PGAP4: variants seen among roughly 807,000 people sequenced by gnomAD.
PGAP4 encodes the protein GPI-N-acetylgalactosamine transferase PGAP4.
A neutral mutation model predicts 28.2 loss-of-function variants in PGAP4; 12 were observed. The observed-to-expected ratio is 0.42, with a 90% CI of 0.27 to 0.69. The LOEUF (loss-of-function observed/expected upper bound fraction) is 0.69. Among genes scored for constraint, PGAP4 ranks in the 30% least tolerant of loss-of-function variants. The pLI is 0.22. For missense variants in PGAP4, 425 were observed against 513.5 expected, an observed-to-expected ratio of 0.83 and a Z score of 1.67; for synonymous variants, 205 against 211.8, an observed-to-expected ratio of 0.97 and a Z score of 0.28.
upstream of PGAP4, among the ~76,000 whole-genome samples, chr9:101,490,244 C>T (rs750016885): frequency 4.1e-4 from 63 of 152,244 alleles, no homozygotes; most frequent in Non-Finnish European, 7.2e-4. Context: ...GGCTGGAGTG[C>T]AGTGATGCAA....
At chr9:101,510,204 T>G (rs1313222901) in intron 2 of PGAP4, among the ~76,000 whole-genome samples, 7 of 152,180 alleles carry the variant, frequency 4.6e-5, no homozygotes, top group African/African-American at 1.7e-4. Flanking sequence ...CCTTTTGAAC[T>G]GCAGTCTGTC....
At chr9:101,524,139 T>TG (rs1438638736) in intron 2 of PGAP4, among the ~76,000 whole-genome samples, 1 of 151,204 alleles carries the variant, frequency 6.6e-6, no homozygotes, top group African/African-American at 2.4e-5. Flanking sequence ...TGGTGGAGGT[T>TG]GGGGGGCGGG....
At chr9:101,494,493 T>C (rs1283663341) in intron 2 of PGAP4, among the ~76,000 whole-genome samples, 1 of 151,852 alleles carries the variant, frequency 6.6e-6, no homozygotes, top group African/African-American at 2.4e-5. Context: ...ATAAAAGTCA[T>C]AAGAACATTA....
intron 2 of PGAP4, among the ~76,000 whole-genome samples, chr9:101,508,824 C>T (rs1826871874): frequency 6.6e-6 from 1 of 152,148 alleles, no homozygotes; most frequent in Non-Finnish European, 1.5e-5. Context: ...ATGGCCCTAT[C>T]TGAGGGTGAG....
intron 2 of PGAP4, among the ~76,000 whole-genome samples, chr9:101,506,849 C>T (rs1015948300): frequency 3.9e-5 from 6 of 152,076 alleles, no homozygotes; most frequent in Non-Finnish European, 7.4e-5. Context: ...ATGTACCAAT[C>T]CTTGTAACTC....
chr9:101,482,006 A>C (rs1826504061), intron 1 of PGAP4, among the ~76,000 whole-genome samples: 1 of 152,128 alleles, frequency 6.6e-6, no homozygotes, highest in African/African-American at 2.4e-5. Context: ...ACAGGCTCCT[A>C]ACAGAGCTTC....
chr9:101,483,097 G>A (rs541259311), intron 1 of PGAP4, among the ~76,000 whole-genome samples: 1 of 152,250 alleles, frequency 6.6e-6, no homozygotes, highest in South Asian at 2.1e-4. Context: ...CTTGACTTAC[G>A]ATCTGATTGG....
intron 2 of PGAP4, among the ~76,000 whole-genome samples, chr9:101,502,745 C>A (rs746984240): frequency 1.3e-5 from 2 of 152,090 alleles, no homozygotes; most frequent in African/African-American, 4.8e-5. Flanking sequence ...ACACCTACAG[C>A]ATTTTGCAGG....
intron 2 of PGAP4, among the ~76,000 whole-genome samples, chr9:101,502,872 G>A (rs1187993469): frequency 6.6e-6 from 1 of 152,010 alleles, no homozygotes; most frequent in Non-Finnish European, 1.5e-5. Context: ...TGCACTTTGG[G>A]CCAAAAGTTC....
intron 2 of PGAP4, among the ~76,000 whole-genome samples, chr9:101,503,497 A>T (rs1161728870): frequency 6.6e-6 from 1 of 152,070 alleles, no homozygotes; most frequent in Admixed American, 6.6e-5. Context: ...GTTGGGTGGT[A>T]GTTTCAAGGA....
At chr9:101,480,160 A>C (rs1588196333) in intron 1 of PGAP4, among the ~76,000 whole-genome samples, 1 of 152,180 alleles carries the variant, frequency 6.6e-6, no homozygotes, top group South Asian at 2.1e-4. Flanking sequence ...ACAGGGCTTA[A>C]GACCCGGCCC....
At chr9:101,526,978 T>A (rs2118638154) in intron 2 of PGAP4, among the ~76,000 whole-genome samples, 1 of 152,356 alleles carries the variant, frequency 6.6e-6, no homozygotes, top group South Asian at 2.1e-4. Flanking sequence ...AACTCATGTG[T>A]CTCCTGTTTT....
intron 2 of PGAP4, among the ~76,000 whole-genome samples, chr9:101,517,133 T>C (rs1373539601): frequency 6.6e-6 from 1 of 152,220 alleles, no homozygotes; most frequent in African/African-American, 2.4e-5. Flanking sequence ...ATCAGAATTA[T>C]GCTTAATGAG....
At chr9:101,506,078 T>C (rs1042407278) in intron 2 of PGAP4, among the ~76,000 whole-genome samples, 2 of 152,110 alleles carry the variant, frequency 1.3e-5, no homozygotes, top group African/African-American at 2.4e-5. Context: ...TGCAAACAAC[T>C]GGGACATTGG....
In PGAP4 at chr9:101,484,560, A is replaced by G. The variant is rs78814374; in HGVS notation, c.-78+2389T>C. ...GGGGTCTTTGGAAGGTAATCAGGTC[A>G]TAAGGGTGCAGACCTCAGTAATGCA... On this transcript the variant is annotated intron_variant, in intron 1 of 1. Transcript: ENST00000374848. Among the ~76,000 whole-genome samples the G allele has an allele frequency of 1.1e-4, 16 of 152,290 alleles. No homozygotes were observed. The East Asian group carries it at 3.1e-3, about 29-fold the overall frequency.
chr9:101,523,792 T>G (rs904671753), intron 2 of PGAP4, among the ~76,000 whole-genome samples: 2 of 151,980 alleles, frequency 1.3e-5, no homozygotes, highest in Non-Finnish European at 2.9e-5. Flanking sequence ...TGTGATTTTT[T>G]GGGGGTGTTG....
chr9:101,521,611 T>G (rs1826988759), intron 2 of PGAP4, among the ~76,000 whole-genome samples: 1 of 152,204 alleles, frequency 6.6e-6, no homozygotes. Context: ...CATTTCTTGG[T>G]TATTCTTGCC....
At position 101,496,102 on chromosome 9, in the gene PGAP4, G is replaced by A. The variant is rs149929392; in HGVS notation, c.-164-6902C>T. Among the ~76,000 whole-genome samples, 399 of 151,534 alleles carry A rather than the reference G, an allele frequency of 2.6e-3. 1 individual carries two copies. Among genetic ancestry groups the A allele is most frequent in the Non-Finnish European group, 4.8e-3 (327 of 67,564 alleles). On this transcript the variant is annotated intron_variant, in intron 2 of 3. Coordinates refer to the PGAP4 transcript ENST00000374851. ...GTTTTGGTTATATGGAACAATTTAG[G>A]CATGTCAAGAAAAGCCAAGACTAAA...
At chr9:101,518,260 A>T (rs1401724532) in intron 2 of PGAP4, among the ~76,000 whole-genome samples, 1 of 152,162 alleles carries the variant, frequency 6.6e-6, no homozygotes, top group Non-Finnish European at 1.5e-5. Flanking sequence ...TATATGTAGC[A>T]CATTTTCTTT....
Sources: allele counts gnomAD v4.1 joint callset (sites outside exome capture counted in the v4.1 genomes callset), GRCh38; gene constraint gnomAD v4.1.1; transcripts MANE v1.5; gene names NCBI Gene and HGNC (gene_info 2026-07-23, HGNC 2026-07-21).